The following LAMA3 variants were observed in gnomAD, a reference collection of about 807,000 sequenced individuals.
LAMA3 encodes the protein laminin subunit alpha 3.
LAMA3 carries 281 observed loss-of-function variants against 402.0 expected under a neutral mutation model. That is an observed-to-expected ratio of 0.70 (90% CI 0.63 to 0.77). The LOEUF is 0.77. Ranked by LOEUF, LAMA3 falls within the 30% of genes least tolerant of loss-of-function variation. The probability of loss-of-function intolerance (pLI) is 0.00; values close to 1 mark genes in which losing one functional copy is unlikely to be tolerated. For synonymous variants in LAMA3, 1,431 were observed against 1,558.4 expected, an observed-to-expected ratio of 0.92 and a Z score of 1.93; for missense variants, 3,840 against 4,215.5, an observed-to-expected ratio of 0.91 and a Z score of 2.47.
intron 36 of LAMA3, among the ~76,000 whole-genome samples, chr18:23,867,281 G>T (rs1269129358): frequency 2.0e-5 from 3 of 151,996 alleles, no homozygotes; most frequent in Non-Finnish European, 4.4e-5. Context: ...TTTCTGCCAG[G>T]TGCAGTGGCC....
At chr18:23,926,776 A>G (rs1027473841) in intron 62 of LAMA3, among the ~76,000 whole-genome samples, 5 of 152,250 alleles carry the variant, frequency 3.3e-5, no homozygotes, top group Non-Finnish European at 7.3e-5. Flanking sequence ...CCAGAAGTCA[A>G]ATCGAAGGGG....
chr18:23,894,580 C>T (rs1205734469), intron 43 of LAMA3, among the ~76,000 whole-genome samples: 1 of 152,188 alleles, frequency 6.6e-6, no homozygotes, highest in Non-Finnish European at 1.5e-5. Flanking sequence ...ACTAGACCTA[C>T]CTTATAGGGA....
intron 1 of LAMA3, among the ~76,000 whole-genome samples, chr18:23,691,929 A>T (rs1598585220): frequency 6.6e-6 from 1 of 152,238 alleles, no homozygotes; most frequent in African/African-American, 2.4e-5. Flanking sequence ...TACCTAAAAA[A>T]ATATGTAGAT....
At chr18:23,852,480 T>C (rs1170426977) in intron 32 of LAMA3, among the ~76,000 whole-genome samples, 4 of 152,220 alleles carry the variant, frequency 2.6e-5, no homozygotes, top group African/African-American at 9.6e-5. Context: ...CTTGTGAGGT[T>C]TTTTAGCTTT....
Position 23,918,762 on chromosome 18 carries a change from A to G in LAMA3, c.7923+2067A>G, listed in dbSNP as rs183283220. On this transcript the variant is annotated intron_variant, in intron 60 of 74. Transcript: ENST00000313654. The surrounding 1 kb of genome is among the most constrained non-coding windows in gnomAD (Gnocchi z 4.1). The stretch of plus-strand genomic sequence containing the variant: ...TTCTGAAGAAATGTGGATGAGCCCA[A>G]AGGCTTTCTGGTGGTCCGAGAACAT... Among the ~76,000 whole-genome samples the G allele has an allele frequency of 2.0e-5, 3 of 152,254 alleles. No individual in the cohort carries two copies. Among genetic ancestry groups the G allele is most frequent in the African/African-American group, 2.4e-5 (1 of 41,540 alleles).
chr18:23,792,293 C>T (rs1256518288), intron 12 of LAMA3, among the ~76,000 whole-genome samples: 1 of 152,150 alleles, frequency 6.6e-6, no homozygotes, highest in Non-Finnish European at 1.5e-5. Flanking sequence ...GGGCTGGGAA[C>T]TTCAAGAGCA....
intron 2 of LAMA3, among the ~76,000 whole-genome samples, chr18:23,739,131 T>G (rs921354964): frequency 2.0e-5 from 3 of 152,102 alleles, no homozygotes; most frequent in African/African-American, 7.2e-5. Flanking sequence ...CTTCTTAGAG[T>G]GCAGGTTGGT....
intron 47 of LAMA3, 113 bp from the exon 48 acceptor site, chr18:23,901,014 G>A: frequency 2.1e-6 from 2 of 964,090 alleles, no homozygotes; most frequent in Non-Finnish European, 3.3e-6. Context: ...CCCCTCCAAA[G>A]TTCAAGGAAA....
intron 12 of LAMA3, among the ~76,000 whole-genome samples, chr18:23,786,687 G>A (rs902483645): frequency 4.6e-5 from 7 of 152,176 alleles, no homozygotes; most frequent in Non-Finnish European, 1.0e-4. Context: ...GGTAGTCTTA[G>A]CAGACTTTAA....
intron 18 of LAMA3, among the ~76,000 whole-genome samples, chr18:23,819,129 A>G (rs1161355586): frequency 6.6e-6 from 1 of 150,870 alleles, no homozygotes; most frequent in Non-Finnish European, 1.5e-5. Flanking sequence ...TCTTTATGGC[A>G]TTAATCCCAC....
chr18:23,846,176 T>G, intron 30 of LAMA3, 121 bp from the exon 31 acceptor site: 2 of 1,023,250 alleles, frequency 2.0e-6, no homozygotes, highest in Non-Finnish European at 3.1e-6. Context: ...CTTCCCTGAC[T>G]CCAGAACCAT....
intron 43 of LAMA3, 40 bp from the exon 44 acceptor site, chr18:23,894,867 C>T (rs775080900): frequency 6.2e-7 from 1 of 1,613,446 alleles, no homozygotes; most frequent in Admixed American, 1.7e-5. Context: ...TCCCACGGCT[C>T]CCCCCACAGC....
intron 29 of LAMA3, among the ~76,000 whole-genome samples, chr18:23,843,710 C>T (rs983349842): frequency 6.6e-6 from 1 of 152,192 alleles, no homozygotes; most frequent in Non-Finnish European, 1.5e-5. Flanking sequence ...CCATGTATTT[C>T]CCTAGGATCC....
chr18:23,861,950 A>G (rs2064234641), intron 35 of LAMA3, 143 bp downstream of exon 35: 1 of 926,814 alleles, frequency 1.1e-6, no homozygotes, highest in Non-Finnish European at 1.6e-6. Context: ...AAAAGTGAGG[A>G]AGAGACCCTG....
intron 12 of LAMA3, among the ~76,000 whole-genome samples, chr18:23,787,740 A>G (rs1006883554): frequency 6.6e-6 from 1 of 152,174 alleles, no homozygotes; most frequent in Non-Finnish European, 1.5e-5. Flanking sequence ...ACTATTCATG[A>G]TCAAGGCTAA....
intron 67 of LAMA3, among the ~76,000 whole-genome samples, chr18:23,938,574 C>G (rs1264047822): frequency 1.3e-5 from 2 of 151,980 alleles, no homozygotes; most frequent in Non-Finnish European, 2.9e-5. Flanking sequence ...GTCCTTTCAC[C>G]TGCCCTGTTG....
chr18:23,805,416 T>C (rs2062944194), intron 12 of LAMA3, among the ~76,000 whole-genome samples: 1 of 152,200 alleles, frequency 6.6e-6, no homozygotes, highest in South Asian at 2.1e-4. Context: ...TGCTTTTGGT[T>C]GTACTATTTT....
intron 8 of LAMA3, among the ~76,000 whole-genome samples, chr18:23,767,578 C>CTTTTTTT (rs71163640): frequency 8.0e-6 from 1 of 125,778 alleles, no homozygotes; most frequent in Non-Finnish European, 1.6e-5. Context: ...TCTTTCTTTT[C>CTTTTTTT]TTTTTTTTTT....
intron 19 of LAMA3, among the ~76,000 whole-genome samples, chr18:23,820,537 CTTCA>C (rs2063264911): frequency 6.6e-6 from 1 of 152,050 alleles, no homozygotes; most frequent in Non-Finnish European, 1.5e-5. Context: ...TTTCTCTTTC[CTTCA>C]TTCTTCTCTA....
Sources: allele counts gnomAD v4.1 joint callset (sites outside exome capture counted in the v4.1 genomes callset), GRCh38; gene constraint gnomAD v4.1.1; non-coding constraint Gnocchi (gnomAD v3.1); transcripts MANE v1.5; gene names NCBI Gene and HGNC (gene_info 2026-07-23, HGNC 2026-07-21).